Variants in TNXB observed in about 807,000 individuals in gnomAD.
TNXB encodes tenascin XB.
A neutral mutation model predicts 340.5 loss-of-function variants in TNXB; 183 were observed. The ratio of observed to expected loss-of-function variants is 0.54; its 90% CI spans 0.48 to 0.61. The LOEUF (loss-of-function observed/expected upper bound fraction) is 0.61, where lower values mean the gene tolerates loss of function less well. TNXB is among the 20% of genes least tolerant of loss of function. The probability of loss-of-function intolerance (pLI) is 0.00; values close to 1 mark genes in which losing one functional copy is unlikely to be tolerated. For synonymous variants in TNXB, 2,121 were observed against 2,314.5 expected (o/e 0.92, Z 2.40); for missense variants, 4,613 against 5,446.4 (o/e 0.85, Z 4.82).
rs569442243 is a variant in TNXB, at chr6:32,041,467, C to T, written c.12634-17G>A. 1.9e-6 allele frequency: 2 copies of T among 1,050,736 alleles called. No homozygotes were observed. The highest frequency in any genetic ancestry group is 3.4e-5 in the African/African-American group (2 of 58,462). 65.1% of individuals were successfully genotyped at this position (1,050,736 alleles called of 1,614,324 possible). The stretch of plus-strand genomic sequence containing the variant: ...GCTCACTCCCTGGGAAAGGGGTTGT[C>T]AAGAGAGAGTCAAAGCCGGATGTCC... On this transcript the variant is annotated splice_polypyrimidine_tract_variant and intron_variant, in intron 43 of 43. Transcript: ENST00000644971.
In TNXB at chr6:32,042,338, G is replaced by C. The variant is rs1309212902; in HGVS notation, c.12235C>G (p.Gln4079Glu). ...TCCCAGTCCCTCCAGAAGTCTGTCT[G>C]TCCATCCATGCGGCGCTGGAACACC... ...WLVFQRRMDG[Q>E]TDFWRDWEDY... Residue 4079 changes from glutamine (Q) to glutamate (E), a missense_variant, in exon 41 of 44, where the codon CAG becomes GAG. Physicochemically the swap from Gln to Glu is conservative, Grantham distance 29 (BLOSUM62 2). Transcript: ENST00000644971. The C allele has an allele frequency of 6.6e-7, 1 of 1,519,378 alleles. No homozygotes were observed. The highest frequency in any genetic ancestry group is 1.1e-5 in the South Asian group (1 of 88,648). The allele number at this position is 1,519,378 out of a possible 1,614,324, so 94.1% of individuals were successfully genotyped here.
intron 11 of TNXB, among the ~76,000 whole-genome samples, chr6:32,076,679 G>A (rs1402588343): frequency 6.6e-6 from 1 of 152,210 alleles, no homozygotes; most frequent in Non-Finnish European, 1.5e-5. Context: ...GAGGAGGTAA[G>A]TTTTTCAAGA....
rs1777974398 is a variant in TNXB at position 32,061,041 on chromosome 6, T to G, written c.7492+356A>C. Reference sequence around the variant, plus strand: ...TTTTTATAGATGTTGCCTAAATTATTTAGTCATCCCAACGTGGTTTGACGT... The same window carrying G: ...TTTTTATAGATGTTGCCTAAATTATGTAGTCATCCCAACGTGGTTTGACGT... On this transcript the variant is annotated intron_variant, in intron 21 of 43. Coordinates refer to ENST00000644971, the MANE Select transcript of TNXB (RefSeq NM_001365276.2). This position sits in a 1 kb window ranked among gnomAD's most constrained non-coding sequence, Gnocchi z 4.4. Among the ~76,000 whole-genome samples, 1 of 151,986 alleles carries G rather than the reference T, an allele frequency of 6.6e-6. No individual in the cohort carries two copies. Among genetic ancestry groups the G allele is most frequent in the African/African-American group, 2.4e-5 (1 of 41,212 alleles).
At position 32,042,444 on chromosome 6, in the gene TNXB, A is replaced by G. The variant is rs1187672150; in HGVS notation, c.12210+11T>C. 1 of 1,611,194 alleles carries G rather than the reference A, an allele frequency of 6.2e-7. No individual in the cohort carries two copies. Among genetic ancestry groups the G allele is most frequent in the Admixed American group, 1.7e-5 (1 of 59,922 alleles). On this transcript the variant is annotated intron_variant, in intron 40 of 43. Coordinates refer to ENST00000644971, the MANE Select transcript of TNXB (RefSeq NM_001365276.2). Reference sequence around the variant, plus strand: ...CCTGCACAGACCCCTGGGCTTCCCAATGCCACCCACCAGCCAGCCGCCCCC... The same window carrying G: ...CCTGCACAGACCCCTGGGCTTCCCAGTGCCACCCACCAGCCAGCCGCCCCC...
Position 32,047,977 on chromosome 6 carries a change from G to T in TNXB, c.10081C>A (p.Leu3361Met). 6.2e-7 allele frequency: 1 copy of T among 1,610,176 alleles called. No individual in the cohort carries two copies. Among genetic ancestry groups the T allele is most frequent in the Non-Finnish European group, 8.5e-7 (1 of 1,178,648 alleles). ...TCAGGGGTCGCATCTGTCACAGTCA[G>T]CTCCCCCAGGCGGGGAGACGGTTTG... ...DTKPSPRLGE[L>M]TVTDATPDSV... Residue 3361 changes from leucine (L) to methionine (M), a missense_variant, in exon 30 of 44, where the codon CTG becomes ATG. Coordinates refer to ENST00000644971, the MANE Select transcript of TNXB (RefSeq NM_001365276.2). The surrounding 1 kb of genome is among the most constrained non-coding windows in gnomAD (Gnocchi z 6.2).
chr6:32,056,216 G>C, intron 23 of TNXB, 42 bp from the exon 24 acceptor site: 2 of 1,587,276 alleles, frequency 1.3e-6, no homozygotes, highest in South Asian at 2.3e-5. Flanking sequence ...GTGCCTGGGG[G>C]ATGTGCTCAG....
intron 24 of TNXB, 115 bp downstream of exon 24, chr6:32,055,736 C>T: frequency 2.1e-6 from 3 of 1,432,888 alleles, no homozygotes; most frequent in Non-Finnish European, 2.8e-6. Flanking sequence ...TAGCAAGATC[C>T]CCAAGCATGG....
Position 32,069,125 on chromosome 6 carries a change from C to A in TNXB, c.5599G>T (p.Glu1867Ter). 6.2e-7 allele frequency: 1 copy of A among 1,607,456 alleles called. No individual in the cohort carries two copies. The highest frequency in any genetic ancestry group is 1.1e-5 in the South Asian group (1 of 90,808). Residue 1867 changes from glutamate (E) to a stop codon, truncating the protein, a stop_gained, in exon 16 of 44, where the codon GAA (glutamate) becomes TAA (stop). Coordinates refer to ENST00000644971, the MANE Select transcript of TNXB (RefSeq NM_001365276.2). LOFTEE classifies it high-confidence loss of function. This position sits in a 1 kb window ranked among gnomAD's most constrained non-coding sequence, Gnocchi z 6.2. ...SAVAITAGRE[E>*]TETETTAPTP... ...GGGGCCGTGGTCTCAGTTTCCGTTT[C>A]TTCCCTGCCGGCTGGTTCACAGAGA...
At position 32,058,135 on chromosome 6, in the gene TNXB, C is replaced by T; in HGVS notation, c.7748G>A (p.Gly2583Glu). ...SKVTVRGLEP[G>E]RKYKMHLYGL... The stretch of plus-strand genomic sequence containing the variant: ...GTACAGGTGCATCTTGTACTTGCGC[C>T]CAGGCTCCAGGCCCCTCACAGTGAC... The change falls in exon 22 of 44, where the codon GGG becomes GAG. Residue 2583 changes from glycine to glutamate, a missense_variant. Gly to Glu is a moderately conservative substitution (Grantham distance 98, BLOSUM62 -2). This residue lies in a region of TNXB where 4,327 missense variants were observed against 4,859.4 expected (regional missense o/e 0.89). Transcript: ENST00000644971. The surrounding 1 kb of genome is among the most constrained non-coding windows in gnomAD (Gnocchi z 5.1). The T allele has an allele frequency of 1.2e-6, 2 of 1,612,724 alleles. No individual in the cohort carries two copies. The highest frequency in any genetic ancestry group is 1.7e-6 in the Non-Finnish European group (2 of 1,179,842).
In TNXB at chr6:32,085,771, T is replaced by C. The variant is rs781043813; in HGVS notation, c.3127A>G (p.Ile1043Val). Residue 1043 changes from isoleucine (I) to valine (V), a missense_variant, in exon 7 of 44, where the codon ATC becomes GTC. Physicochemically the swap from Ile to Val is conservative, Grantham distance 29. This residue lies in a region of TNXB where 4,327 missense variants were observed against 4,859.4 expected (regional missense o/e 0.89). Transcript: ENST00000644971. The surrounding 1 kb of genome is among the most constrained non-coding windows in gnomAD (Gnocchi z 6.4). ...GTACCCATAATGCCTTGGTAGATGA[T>C]GGGGTCAGAGGGCTTGCCCCCAGGA... Reference protein sequence around the residue: ...VPPGGKPSDPIIYQGIMDKDE... With the variant: ...VPPGGKPSDPVIYQGIMDKDE... The C allele has an allele frequency of 6.4e-6, 10 of 1,552,892 alleles. No homozygotes were observed. In the South Asian group the frequency reaches 8.6e-5, roughly 13 times the overall value.
In TNXB at chr6:32,042,549, C is replaced by T. The variant is rs1422798835; in HGVS notation, c.12116G>A (p.Gly4039Asp). The T allele has an allele frequency of 6.2e-7, 1 of 1,610,514 alleles. No homozygotes were observed. Among genetic ancestry groups the T allele is most frequent in the Non-Finnish European group, 8.5e-7 (1 of 1,179,296 alleles). Residue 4039 changes from glycine to aspartate, a missense_variant, in exon 40 of 44, where the codon GGT becomes GAT. Around this residue, in one of 7 missense-constraint regions of TNXB, gnomAD observed 121 missense variants for 177.4 expected, o/e 0.68. Transcript: ENST00000644971. ...DCGEEMQNGA[G>D]ASRTSTIFLN... ...GAAGATGGTGCTGGTCCTGGAGGCA[C>T]CGGCTCCGTTCTGCATCTCCTCCCC...
intron 26 of TNXB, among the ~76,000 whole-genome samples, chr6:32,050,535 C>T (rs1336787281): frequency 6.6e-6 from 1 of 151,102 alleles, no homozygotes; most frequent in Non-Finnish European, 1.5e-5. Flanking sequence ...CTCCCAACAC[C>T]CAGGCCACCT....
Position 32,082,118 on chromosome 6 carries a change from G to A in TNXB, c.3654C>T (p.Asp1218=). The A allele has an allele frequency of 6.2e-7, 1 of 1,611,314 alleles. No individual in the cohort carries two copies. Among genetic ancestry groups the A allele is most frequent in the Non-Finnish European group, 8.5e-7 (1 of 1,179,050 alleles). ...PERSFVVSSL[D]PDHKYRFTLF... is the part of the protein sequence containing the mutation. ...GAGTGAATCTGTACTTGTGGTCAGGGTCCAGTGAGGAGACAACAAATGAAC... is the reference window on the plus strand; with the variant it reads ...GAGTGAATCTGTACTTGTGGTCAGGATCCAGTGAGGAGACAACAAATGAAC... Residue 1218 remains aspartate (D), a synonymous_variant, in exon 9 of 44, where the codon GAC becomes GAT. Transcript: ENST00000644971. This position sits in a 1 kb window ranked among gnomAD's most constrained non-coding sequence, Gnocchi z 5.0.
intron 3 of TNXB, 32 bp downstream of exon 3, chr6:32,095,579 C>T (rs749542952): frequency 6.3e-7 from 1 of 1,590,300 alleles, no homozygotes. Context: ...AATCACAGTC[C>T]CAGAGTACAC....
intron 11 of TNXB, among the ~76,000 whole-genome samples, chr6:32,076,181 G>A (rs906716227): frequency 6.6e-6 from 1 of 152,208 alleles, no homozygotes; most frequent in South Asian, 2.1e-4. Context: ...ATGAGGGAAT[G>A]AAAATGTCCT....
Position 32,055,861 on chromosome 6 carries a change from C to T in TNXB, c.8457G>A (p.Val2819=). Residue 2819 remains valine (V), a synonymous_variant, in exon 24 of 44, where the codon GTG becomes GTA. Coordinates refer to ENST00000644971, the MANE Select transcript of TNXB (RefSeq NM_001365276.2). ...CTCACAAACACTCACCTGTCACACC[C>T]ACGGTGGACACCGGGCCCACACGCC... is the stretch of plus-strand genomic sequence containing the variant. ...EGRRVGPVST[V]GVTAPEDEAE... is the part of the protein sequence containing the mutation. The T allele has an allele frequency of 1.2e-6, 2 of 1,611,736 alleles. No individual in the cohort carries two copies. The highest frequency in any genetic ancestry group is 8.5e-7 in the Non-Finnish European group (1 of 1,178,610).
chr6:32,055,728 G>A (rs1777581390), intron 24 of TNXB, 123 bp downstream of exon 24: 1 of 1,398,624 alleles, frequency 7.1e-7, no homozygotes, highest in Non-Finnish European at 9.5e-7. Flanking sequence ...CTGCCTCTTA[G>A]CAAGATCCCC....
In TNXB at chr6:32,069,835, C is replaced by T. The variant is rs1778652170; in HGVS notation, c.5305G>A (p.Gly1769Arg). The stretch of plus-strand genomic sequence containing the variant: ...CGGGGTTTTGGGGGACGCTTTGTTC[C>T]AGTATCATCCATAGCACTCCGGGCT... ...TEARSAMDDT[G>R]TKRPPKPRLG... Residue 1769 changes from glycine (G) to arginine (R), a missense_variant, in exon 15 of 44, where the codon GGA becomes AGA. By Grantham distance (125) the Gly-to-Arg change is moderately radical (BLOSUM62 -2). This residue lies in a region of TNXB where 4,327 missense variants were observed against 4,859.4 expected (regional missense o/e 0.89). Coordinates refer to ENST00000644971, the MANE Select transcript of TNXB (RefSeq NM_001365276.2). This position sits in a 1 kb window ranked among gnomAD's most constrained non-coding sequence, Gnocchi z 6.2. 2 of 1,606,354 alleles carry T rather than the reference C, an allele frequency of 1.2e-6. No individual in the cohort carries two copies. The highest frequency in any genetic ancestry group is 1.7e-4 in the Middle Eastern group (1 of 6,038).
intron 1 of TNXB, 92 bp from the exon 2 acceptor site, chr6:32,098,298 C>A (rs1232634336): frequency 2.3e-5 from 25 of 1,093,868 alleles, no homozygotes; most frequent in Middle Eastern, 2.2e-4. Flanking sequence ...GTCCCACCAC[C>A]CACAAGTAAT....
Sources: gnomAD v4.1 joint callset for allele counts (sites outside exome capture counted in the v4.1 genomes callset) on GRCh38, gnomAD v4.1.1 for gene constraint, gnomAD v4.1.1 regional missense constraint, Gnocchi (gnomAD v3.1) non-coding constraint, MANE v1.5 for transcripts, NCBI Gene and HGNC (gene_info 2026-07-23, HGNC 2026-07-21) for gene names.